The following ATL3 variants were observed in gnomAD, a reference collection of about 807,000 sequenced individuals.
The protein encoded by ATL3 is atlastin GTPase 3.
In ATL3, 49 loss-of-function variants were observed where a neutral mutation model predicts 69.5. That is an observed-to-expected ratio of 0.71 (90% CI 0.56 to 0.89). The LOEUF is 0.89. ATL3 is among the 40% of genes least tolerant of loss of function. The probability of loss-of-function intolerance (pLI) is 0.00; values close to 1 mark genes in which losing one functional copy is unlikely to be tolerated. For synonymous variants in ATL3, 214 were observed against 224.1 expected (o/e 0.95, Z 0.40); for missense variants, 606 against 645.7 (o/e 0.94, Z 0.67).
intron 1 of ATL3, among the ~76,000 whole-genome samples, chr11:63,660,449 G>A (rs1234605695): frequency 3.9e-5 from 6 of 152,124 alleles, no homozygotes; most frequent in Admixed American, 2.0e-4. Flanking sequence ...TGAAGCAACC[G>A]CAATTCTCAC....
At chr11:63,657,515 TAAGGAAGTAAAGAA>T (rs767074161) in intron 3 of ATL3, among the ~76,000 whole-genome samples, 1 of 151,752 alleles carries the variant, frequency 6.6e-6, no homozygotes, top group Non-Finnish European at 1.5e-5. Context: ...CATACAGGAG[TAAGGAAGTAAAGAA>T]CAGAAGTGGT....
At chr11:63,669,678 C>T (rs1208426805) in intron 1 of ATL3, among the ~76,000 whole-genome samples, 1 of 152,020 alleles carries the variant, frequency 6.6e-6, no homozygotes, top group Non-Finnish European at 1.5e-5. Context: ...CACGATGGCT[C>T]ACGCCTGTAA....
intron 1 of ATL3, 129 bp from the exon 2 acceptor site, chr11:63,659,381 C>T (rs1297801528): frequency 1.4e-6 from 1 of 710,666 alleles, no homozygotes; most frequent in Non-Finnish European, 2.3e-6. Context: ...AATCACAGCA[C>T]TTTGGGAAAC....
Position 63,629,367 on chromosome 11 carries a change from C to T in ATL3, c.1578G>A (p.Val526=), listed in dbSNP as rs1377786624. Residue 526 remains valine, a synonymous_variant, in exon 13 of 13, where the codon GTG becomes GTA. Transcript: ENST00000398868. ...SHIGNSTQAT[V]RDAVVGRPSM... ...ATGGTCTTCCAACAACTGCATCCCT[C>T]ACAGTGGCCTGAGTGGAATTACCGA... is the stretch of plus-strand genomic sequence containing the variant. 6.2e-7 allele frequency: 1 copy of T among 1,614,220 alleles called. No homozygotes were observed. The highest frequency in any genetic ancestry group is 2.2e-5 in the East Asian group (1 of 44,890).
intron 1 of ATL3, among the ~76,000 whole-genome samples, chr11:63,670,760 A>G (rs2134553475): frequency 6.6e-6 from 1 of 152,388 alleles, no homozygotes; most frequent in Non-Finnish European, 1.5e-5. Context: ...GGATAAAAAT[A>G]AAGCTTCCAA....
chr11:63,634,218 A>G (rs548902798), intron 10 of ATL3, among the ~76,000 whole-genome samples: 27 of 151,072 alleles, frequency 1.8e-4, no homozygotes, highest in Non-Finnish European at 4.0e-4. Context: ...AAGAAGAAAA[A>G]AAAGGGGGCT....
intron 1 of ATL3, among the ~76,000 whole-genome samples, chr11:63,668,828 A>C (rs1590749355): frequency 9.6e-6 from 1 of 103,728 alleles, no homozygotes. Flanking sequence ...ACAAGGTCTC[A>C]CTCTGTTGCC....
At chr11:63,641,206 T>C (rs1490967009) in intron 8 of ATL3, among the ~76,000 whole-genome samples, 1 of 152,202 alleles carries the variant, frequency 6.6e-6, no homozygotes, top group African/African-American at 2.4e-5. Context: ...GGAAACCAAA[T>C]AGTACATAAT....
chr11:63,646,588 T>C, intron 5 of ATL3, 25 bp from the exon 6 acceptor site: 1 of 1,546,958 alleles, frequency 6.5e-7, no homozygotes, highest in Non-Finnish European at 8.8e-7. Flanking sequence ...CATTATGGTT[T>C]GTAAAGCAAA....
rs1940526988 is a variant in ATL3, at chr11:63,664,811, T to C, written c.47-5559A>G. ...TTAGTAGATAGAAGGTTTCACCATA[T>C]TGGCCAGGCTGGTCTCGAACTCCTA... On this transcript the variant is annotated intron_variant, in intron 1 of 12. Transcript: ENST00000398868. 3.3e-5 allele frequency among the ~76,000 whole-genome samples: 5 copies of C among 151,774 alleles called. No homozygotes were observed. In the South Asian group the frequency reaches 1.0e-3, roughly 32 times the overall value.
intron 1 of ATL3, chr11:63,670,348 A>C (rs1029575525): frequency 3.9e-5 from 6 of 152,204 alleles, no homozygotes; most frequent in African/African-American, 1.4e-4. Flanking sequence ...CCAATATGTG[A>C]AATCGTACAT....
chr11:63,631,035 C>T lies in ATL3; in HGVS notation c.1539+5G>A, dbSNP rs1194442509. On this transcript the variant is annotated splice_donor_5th_base_variant and intron_variant, in intron 12 of 12. Coordinates refer to ENST00000398868, the MANE Select transcript of ATL3 (RefSeq NM_015459.5). ...ACCCTCAGGCTCTTCAGCAGCACCA[C>T]TTACCTGCTCCAACACATATGCGGC... 2 of 1,602,552 alleles carry T rather than the reference C, an allele frequency of 1.2e-6. No individual in the cohort carries two copies. Among genetic ancestry groups the T allele is most frequent in the African/African-American group, 1.3e-5 (1 of 74,652 alleles).
intron 3 of ATL3, among the ~76,000 whole-genome samples, chr11:63,654,523 G>A (rs190011089): frequency 2.6e-4 from 39 of 151,514 alleles, no homozygotes; most frequent in Admixed American, 1.8e-3. Context: ...TCAGCCTCCC[G>A]AGTAGCTGGG....
chr11:63,639,879 T>G (rs1035202161), intron 8 of ATL3, among the ~76,000 whole-genome samples: 2 of 152,160 alleles, frequency 1.3e-5, no homozygotes, highest in African/African-American at 4.8e-5. Context: ...CATTTAATAA[T>G]ATATCACAAA....
At chr11:63,665,911 T>TG (rs1220764423) in intron 1 of ATL3, among the ~76,000 whole-genome samples, 3 of 152,090 alleles carry the variant, frequency 2.0e-5, no homozygotes, top group Non-Finnish European at 4.4e-5. Context: ...TCCTTGGGTT[T>TG]GGGCTTATGT....
intron 6 of ATL3, among the ~76,000 whole-genome samples, chr11:63,644,624 C>T (rs1449375853): frequency 6.6e-6 from 1 of 152,068 alleles, no homozygotes; most frequent in African/African-American, 2.4e-5. Context: ...CTCTAGGCCT[C>T]AAGCAATCCT....
intron 3 of ATL3, among the ~76,000 whole-genome samples, chr11:63,658,471 CT>C (rs1487544760): frequency 6.6e-6 from 1 of 152,128 alleles, no homozygotes; most frequent in Non-Finnish European, 1.5e-5. Context: ...GTCTGTATAG[CT>C]TTTAGCAAAA....
rs1196126306 is a variant in ATL3, at chr11:63,659,082, T to C, written c.217A>G (p.Lys73Glu). ...VSVAGAFRKG[K>E]SFILDFMLRY... ...AGCATAAAATCCAGAATGAAGGACT[T>C]GCCCTTTCGGAAGGCACCAGCCACT... The change falls in exon 2 of 13, where the codon AAG (lysine) becomes GAG (glutamate). Residue 73 changes from lysine (K) to glutamate (E), a missense_variant. Coordinates refer to ENST00000398868, the MANE Select transcript of ATL3 (RefSeq NM_015459.5). The C allele has an allele frequency of 6.2e-7, 1 of 1,613,988 alleles. No homozygotes were observed. Among genetic ancestry groups the C allele is most frequent in the African/African-American group, 1.3e-5 (1 of 74,896 alleles).
Position 63,627,936 on chromosome 11 carries a change from G to A in ATL3, c.*1383C>T, listed in dbSNP as rs1939172579. On this transcript the variant is annotated 3_prime_UTR_variant, in exon 13 of 13. Transcript: ENST00000398868. ...TTCATTATTAAGAACATTAGACACG[G>A]CAGAGAATGCAAATTAACATTCTGA... The A allele has an allele frequency of 6.6e-6, 1 of 152,122 alleles. No homozygotes were observed. Among genetic ancestry groups the A allele is most frequent in the African/African-American group, 2.4e-5 (1 of 41,430 alleles). The allele number at this position is 152,122 out of a possible 1,614,324, so 9.4% of individuals were successfully genotyped here.
Sources: allele counts gnomAD v4.1 joint callset (sites outside exome capture counted in the v4.1 genomes callset), GRCh38; gene constraint gnomAD v4.1.1; transcripts MANE v1.5; gene names NCBI Gene and HGNC (gene_info 2026-07-23, HGNC 2026-07-21).